Variants in MAPK6 observed in about 807,000 individuals in gnomAD.
MAPK6 encodes the protein ERK-3.
A neutral mutation model predicts 59.3 loss-of-function variants in MAPK6; 19 were observed. The observed-to-expected ratio is 0.32, with a 90% CI of 0.22 to 0.47. The LOEUF (loss-of-function observed/expected upper bound fraction) is 0.47, where lower values mean the gene tolerates loss of function less well. MAPK6 is among the 20% of genes least tolerant of loss of function. MAPK6 has a pLI of 1.00. For missense variants in MAPK6, 724 were observed against 847.9 expected (o/e 0.85, Z 1.81); for synonymous variants, 316 against 290.3 (o/e 1.09, Z -0.90).
At chr15:52,002,849 C>CAGAG (rs145056194) in intron 2 of MAPK6, among the ~76,000 whole-genome samples, 4,369 of 151,966 alleles carry the variant, frequency 0.029, 143 homozygotes, top group East Asian at 0.08. Context: ...GCAGGTGAGA[C>CAGAG]AGAGAGAGAG....
chr15:51,988,297 G>A (rs1476785632), intron 2 of MAPK6, among the ~76,000 whole-genome samples: 1 of 151,886 alleles, frequency 6.6e-6, no homozygotes, highest in Non-Finnish European at 1.5e-5. Flanking sequence ...AATAAAATGG[G>A]AGTTTTAATA....
chr15:51,996,945 A>G (rs1429647537), intron 2 of MAPK6, among the ~76,000 whole-genome samples: 1 of 151,802 alleles, frequency 6.6e-6, no homozygotes, highest in Admixed American at 6.6e-5. Context: ...AGCCTCCCAG[A>G]GTGCTGGGAT....
chr15:52,025,189 C>A (rs959257697), intron 1 of MAPK6, among the ~76,000 whole-genome samples: 1 of 151,910 alleles, frequency 6.6e-6, no homozygotes, highest in Non-Finnish European at 1.5e-5. Flanking sequence ...TGCAGTGAGC[C>A]GTGATCGCAC....
intron 2 of MAPK6, among the ~76,000 whole-genome samples, chr15:52,047,547 T>C (rs2031632496): frequency 6.6e-6 from 1 of 151,938 alleles, no homozygotes; most frequent in Non-Finnish European, 1.5e-5. Flanking sequence ...GGTTTCACCG[T>C]GTTGGCCAGG....
At chr15:52,031,699 A>C (rs1247533030) in intron 1 of MAPK6, among the ~76,000 whole-genome samples, 1 of 152,012 alleles carries the variant, frequency 6.6e-6, no homozygotes, top group Non-Finnish European at 1.5e-5. Context: ...CGGGTGTGGC[A>C]CCTTGCACGG....
chr15:52,054,759 T>TATAC (rs2031907520), intron 3 of MAPK6, among the ~76,000 whole-genome samples: 1 of 149,774 alleles, frequency 6.7e-6, no homozygotes, highest in Non-Finnish European at 1.5e-5. Context: ...CATATACACA[T>TATAC]ACATAGATAC....
In MAPK6 at chr15:52,058,760, A is replaced by G; in HGVS notation, c.828A>G (p.Lys276=). ...YIRNDMTEPH[K]PLTQLLPGIS... ...GAAATGACATGACTGAGCCACACAA[A>G]CCTTTAACTCAGCTGCTTCCAGGAA... is the stretch of plus-strand genomic sequence containing the variant. Residue 276 remains lysine (K), a synonymous_variant, in exon 4 of 6, where the codon AAA becomes AAG. Transcript: ENST00000261845. 1.2e-6 allele frequency: 2 copies of G among 1,613,024 alleles called. No homozygotes were observed. The highest frequency in any genetic ancestry group is 1.7e-6 in the Non-Finnish European group (2 of 1,179,472).
rs1363320396 is a variant in MAPK6 at position 52,064,537 on chromosome 15, AGTC to A, written c.1704_1706del (p.Ser569del). The A allele has an allele frequency of 1.2e-6, 2 of 1,610,908 alleles. No individual in the cohort carries two copies. The highest frequency in any genetic ancestry group is 1.7e-6 in the Non-Finnish European group (2 of 1,179,524). ...CTAGAATTGAAAAGTTTGATATCAA[AGTC>A]AGTAAGCCAAGAAAAACAGGAAAAA... On this transcript the variant is annotated inframe_deletion, in exon 6 of 6. Coordinates refer to ENST00000261845, the MANE Select transcript of MAPK6 (RefSeq NM_002748.4).
chr15:52,015,158 G>A (rs753862847), upstream of MAPK6, among the ~76,000 whole-genome samples: 20 of 151,830 alleles, frequency 1.3e-4, no homozygotes, highest in Non-Finnish European at 2.8e-4. Flanking sequence ...GCACCACCAG[G>A]CCCGGCTAAT....
intron 1 of MAPK6, among the ~76,000 whole-genome samples, chr15:52,025,131 C>T (rs1305600955): frequency 1.3e-5 from 2 of 152,072 alleles, no homozygotes; most frequent in African/African-American, 4.8e-5. Flanking sequence ...GTCCCAGCTA[C>T]TTATGAGGCT....
chr15:52,051,356 C>T (rs1194527127), intron 3 of MAPK6, among the ~76,000 whole-genome samples: 2 of 152,076 alleles, frequency 1.3e-5, no homozygotes, highest in Non-Finnish European at 2.9e-5. Flanking sequence ...CCCACCAGGC[C>T]CTCCATACCC....
intron 2 of MAPK6, among the ~76,000 whole-genome samples, chr15:51,991,918 A>T (rs866911853): frequency 6.6e-6 from 1 of 152,190 alleles, no homozygotes; most frequent in South Asian, 2.1e-4. Flanking sequence ...TTTGTATAGG[A>T]AAAAGTCTAG....
At chr15:51,977,125 C>T (rs151136050) in intron 1 of MAPK6, among the ~76,000 whole-genome samples, 1,987 of 151,180 alleles carry the variant, frequency 0.013, 56 homozygotes, top group Middle Eastern at 0.024. Flanking sequence ...GCCTCAGCCT[C>T]CCGAGTAGCT....
At chr15:51,972,031 C>T (rs1162836292) in intron 1 of MAPK6, among the ~76,000 whole-genome samples, 1 of 152,050 alleles carries the variant, frequency 6.6e-6, no homozygotes, top group Non-Finnish European at 1.5e-5. Context: ...GACTGGCGCT[C>T]TCTGGGGAAG....
At chr15:52,041,065 A>T (rs1022106157) in intron 1 of MAPK6, among the ~76,000 whole-genome samples, 1 of 152,228 alleles carries the variant, frequency 6.6e-6, no homozygotes, top group Non-Finnish European at 1.5e-5. Flanking sequence ...GAGAAATTGG[A>T]AAGATGCTGG....
At chr15:51,987,183 G>GA (rs2057193464) in intron 2 of MAPK6, among the ~76,000 whole-genome samples, 1 of 152,180 alleles carries the variant, frequency 6.6e-6, no homozygotes, top group Non-Finnish European at 1.5e-5. Context: ...AATGTTTTAA[G>GA]AAAAGTCTAG....
intron 2 of MAPK6, 105 bp from the exon 3 acceptor site, chr15:52,049,888 C>T (rs2031722099): frequency 1.9e-6 from 2 of 1,046,328 alleles, no homozygotes; most frequent in Admixed American, 1.9e-5. Context: ...GCTGGGATTA[C>T]AGGCATGAGC....
intron 1 of MAPK6, among the ~76,000 whole-genome samples, chr15:51,974,197 A>G (rs1046595735): frequency 1.3e-5 from 2 of 151,650 alleles, no homozygotes; most frequent in African/African-American, 4.8e-5. Context: ...CCTGGCCTCA[A>G]GTGATCCTCG....
chr15:51,978,643 G>A (rs1016297227), intron 1 of MAPK6, among the ~76,000 whole-genome samples: 19 of 151,110 alleles, frequency 1.3e-4, no homozygotes, highest in African/African-American at 4.6e-4. Context: ...ATTTTTTGGG[G>A]GGATTACCTT....
Sources: gnomAD v4.1 joint callset for allele counts (sites outside exome capture counted in the v4.1 genomes callset) on GRCh38, gnomAD v4.1.1 for gene constraint, MANE v1.5 for transcripts, NCBI Gene and HGNC (gene_info 2026-07-23, HGNC 2026-07-21) for gene names.